The following CPXM2 variants were observed in gnomAD, a reference collection of about 807,000 sequenced individuals.
CPXM2 encodes carboxypeptidase X, M14 family member 2.
CPXM2 carries 66 observed loss-of-function variants against 86.1 expected under a neutral mutation model. The ratio of observed to expected loss-of-function variants is 0.77; its 90% CI spans 0.63 to 0.94. The LOEUF (loss-of-function observed/expected upper bound fraction) is 0.94, where lower values mean the gene tolerates loss of function less well. Among genes scored for constraint, CPXM2 ranks in the 40% least tolerant of loss-of-function variants. The pLI, the probability that CPXM2 is intolerant of heterozygous loss-of-function variation, is 0.00. For synonymous variants in CPXM2, 388 were observed against 400.2 expected (o/e 0.97, Z 0.36); for missense variants, 948 against 1,026.3 (o/e 0.92, Z 1.04).
At chr10:123,883,469 G>A (rs151216490) in intron 1 of CPXM2, among the ~76,000 whole-genome samples, 1,712 of 152,314 alleles carry the variant, frequency 0.011, 12 homozygotes, top group South Asian at 0.038. Flanking sequence ...TACCTGCCAC[G>A]GTGGAAGTTA....
chr10:123,817,701 C>A (rs1165441818), intron 4 of CPXM2, among the ~76,000 whole-genome samples: 1 of 152,214 alleles, frequency 6.6e-6, no homozygotes, highest in Admixed American at 6.5e-5. Context: ...ACCCTGCCTT[C>A]TCTCCCCCAG....
intron 4 of CPXM2, among the ~76,000 whole-genome samples, chr10:123,830,075 T>A (rs1390020418): frequency 6.6e-6 from 1 of 152,108 alleles, no homozygotes; most frequent in Non-Finnish European, 1.5e-5. Context: ...TAAGGAAAAT[T>A]ATTTATGTGT....
chr10:123,844,446 T>G (rs1159696984), intron 3 of CPXM2, among the ~76,000 whole-genome samples: 1 of 152,158 alleles, frequency 6.6e-6, no homozygotes, highest in African/African-American at 2.4e-5. Context: ...TGCATTTTTT[T>G]TTACCTTAAA....
chr10:123,903,347 T>G (rs1185846395), intron 2 of CPXM2, among the ~76,000 whole-genome samples: 2 of 152,190 alleles, frequency 1.3e-5, no homozygotes, highest in African/African-American at 4.8e-5. Flanking sequence ...GCAAAGACCT[T>G]AAGAGCAGGA....
intron 1 of CPXM2, among the ~76,000 whole-genome samples, chr10:123,884,248 C>G (rs1439329774): frequency 6.6e-6 from 1 of 152,146 alleles, no homozygotes; most frequent in African/African-American, 2.4e-5. Context: ...AAAAAATGAC[C>G]AAAGAGGTTC....
intron 1 of CPXM2, among the ~76,000 whole-genome samples, chr10:123,881,560 A>G (rs769294587): frequency 9.8e-4 from 149 of 152,276 alleles, no homozygotes; most frequent in Middle Eastern, 3.4e-3. Context: ...TGGAGCAGCA[A>G]CTGCACACAG....
Position 123,862,621 on chromosome 10 carries a change from T to C in CPXM2, c.506A>G (p.Asn169Ser), listed in dbSNP as rs1848876355. Reference sequence around the variant, plus strand: ...AACCACAGGGCCAGGTACCTGGATGTTGAGTCTCCCTCGATGTGCCCCCAG... The same window carrying C: ...AACCACAGGGCCAGGTACCTGGATGCTGAGTCTCCCTCGATGTGCCCCCAG... ...YGLGAHRGRL[N>S]IQAGINENDF... is the part of the protein sequence containing the mutation. The change falls in exon 3 of 14, where the codon AAC (asparagine) becomes AGC (serine). Residue 169 changes from asparagine (N) to serine (S), a missense_variant. Coordinates refer to ENST00000241305, the MANE Select transcript of CPXM2 (RefSeq NM_198148.3). 6.2e-7 allele frequency: 1 copy of C among 1,613,882 alleles called. No individual in the cohort carries two copies. Among genetic ancestry groups the C allele is most frequent in the African/African-American group, 1.3e-5 (1 of 74,912 alleles).
intron 4 of CPXM2, among the ~76,000 whole-genome samples, chr10:123,824,697 T>C (rs1244153422): frequency 6.6e-6 from 1 of 152,214 alleles, no homozygotes; most frequent in Non-Finnish European, 1.5e-5. Context: ...ACATCCTAAC[T>C]ATGCCACCTC....
intron 10 of CPXM2, 70 bp from the exon 11 acceptor site, chr10:123,762,239 G>C (rs1057238987): frequency 1.3e-6 from 2 of 1,594,706 alleles, no homozygotes; most frequent in Non-Finnish European, 1.7e-6. Flanking sequence ...GTCAAACAGG[G>C]ACATAGTCGA....
chr10:123,754,836 T>C lies in CPXM2; in HGVS notation c.1918-74A>G, dbSNP rs1359397808. On this transcript the variant is annotated intron_variant, in intron 12 of 13. Coordinates refer to ENST00000241305, the MANE Select transcript of CPXM2 (RefSeq NM_198148.3). This position sits in a 1 kb window ranked among gnomAD's most constrained non-coding sequence, Gnocchi z 4.0. ...ACACAACCGGCACAACAGAGTGGGC[T>C]GTCAACCCACCATTGGCCGGTTCCC... is the stretch of plus-strand genomic sequence containing the variant. 1 of 836,422 alleles carries C rather than the reference T, an allele frequency of 1.2e-6. No homozygotes were observed. The highest frequency in any genetic ancestry group is 1.7e-5 in the African/African-American group (1 of 60,060). The allele number at this position is 836,422 out of a possible 1,614,324, so 51.8% of individuals were successfully genotyped here.
chr10:123,910,524 G>T (rs28570094), intron 2 of CPXM2, among the ~76,000 whole-genome samples: 3 of 151,556 alleles, frequency 2.0e-5, no homozygotes, highest in African/African-American at 7.3e-5. Context: ...TTCACTTCCC[G>T]TCAGCAAGGG....
At position 123,888,937 on chromosome 10, in the gene CPXM2, T is replaced by G. The variant is rs192519452; in HGVS notation, c.304+2419A>C. On this transcript the variant is annotated intron_variant, in intron 1 of 13. Coordinates refer to ENST00000241305, the MANE Select transcript of CPXM2 (RefSeq NM_198148.3). ...ATCCCGGTGGATGCCAGGGCTGCGG[T>G]GAACTGGGCAATGTGTCCTGCAGGA... Among the ~76,000 whole-genome samples, 52 of 152,026 alleles carry G rather than the reference T, an allele frequency of 3.4e-4. 1 individual carries two copies. Among genetic ancestry groups the G allele is most frequent in the African/African-American group, 1.0e-3 (43 of 41,446 alleles).
chr10:123,911,156 CT>C (rs935264592), intron 2 of CPXM2, among the ~76,000 whole-genome samples: 95 of 152,294 alleles, frequency 6.2e-4, no homozygotes, highest in African/African-American at 2.2e-3. Context: ...TTCAACATAT[CT>C]TTCTGTGGGG....
At chr10:123,880,145 T>TGGGGGCCCCCCCCCCCCCCCCC in intron 2 of CPXM2, 66 bp downstream of exon 2, 1 of 407,580 alleles carries the variant, frequency 2.5e-6, no homozygotes, top group Non-Finnish European at 4.8e-6. Context: ...CAGGGGCCTG[T>TGGGGGCCCCCCCCCCCCCCCCC]ACCCACCCAC....
chr10:123,869,180 A>G (rs1009420095), intron 2 of CPXM2, among the ~76,000 whole-genome samples: 1 of 152,228 alleles, frequency 6.6e-6, no homozygotes, highest in Non-Finnish European at 1.5e-5. Flanking sequence ...CTAGGTTTAA[A>G]GAGTGCTTGA....
chr10:123,859,772 A>T (rs2134190979), intron 3 of CPXM2, among the ~76,000 whole-genome samples: 1 of 152,294 alleles, frequency 6.6e-6, no homozygotes, highest in Non-Finnish European at 1.5e-5. Context: ...CAGGCAGGAG[A>T]GTGCGCTCAG....
chr10:123,806,386 T>C (rs566873312), intron 4 of CPXM2, among the ~76,000 whole-genome samples: 22 of 152,262 alleles, frequency 1.4e-4, no homozygotes, highest in African/African-American at 5.3e-4. Flanking sequence ...AGAGTATGAG[T>C]AGAAAAATGA....
At chr10:123,758,952 G>T (rs1475255058) in intron 11 of CPXM2, among the ~76,000 whole-genome samples, 1 of 152,166 alleles carries the variant, frequency 6.6e-6, no homozygotes, top group African/African-American at 2.4e-5. Context: ...CTATCAATCT[G>T]CTGCCTGGTC....
intron 2 of CPXM2, among the ~76,000 whole-genome samples, chr10:123,925,124 T>C (rs894022182): frequency 3.3e-5 from 5 of 150,456 alleles, no homozygotes; most frequent in African/African-American, 9.7e-5. Context: ...TTTATATATA[T>C]TCACAGAGGG....
Sources: gnomAD v4.1 joint callset for allele counts (sites outside exome capture counted in the v4.1 genomes callset) on GRCh38, gnomAD v4.1.1 for gene constraint, Gnocchi (gnomAD v3.1) non-coding constraint, MANE v1.5 for transcripts, NCBI Gene and HGNC (gene_info 2026-07-23, HGNC 2026-07-21) for gene names.